Variants in IFNGR1 observed in about 807,000 individuals in gnomAD.
IFNGR1 encodes interferon gamma receptor 1, also known as AVP, type 2.
IFNGR1 carries 23 observed loss-of-function variants against 35.4 expected under a neutral mutation model. That is an observed-to-expected ratio of 0.65 (90% CI 0.47 to 0.92). The LOEUF (loss-of-function observed/expected upper bound fraction) is 0.92, where lower values mean the gene tolerates loss of function less well. IFNGR1 is among the 40% of genes least tolerant of loss of function. The pLI is 0.00. For synonymous variants in IFNGR1, 199 were observed against 209.5 expected (o/e 0.95, Z 0.43); for missense variants, 533 against 583.4 (o/e 0.91, Z 0.89).
chr6:137,210,865 A>G (rs1323059379), intron 1 of IFNGR1, among the ~76,000 whole-genome samples: 1 of 152,224 alleles, frequency 6.6e-6, no homozygotes, highest in African/African-American at 2.4e-5. Flanking sequence ...TTCAAGACCA[A>G]ACTGGTATAT....
chr6:137,212,662 A>G (rs1184622081), intron 1 of IFNGR1, among the ~76,000 whole-genome samples: 2 of 152,230 alleles, frequency 1.3e-5, no homozygotes, highest in South Asian at 4.1e-4. Flanking sequence ...TCTGCATACT[A>G]GAATATCAAA....
chr6:137,197,843 A>G lies in IFNGR1; in HGVS notation c.*188T>C. 3.1e-6 allele frequency: 2 copies of G among 635,188 alleles called. No homozygotes were observed. Among genetic ancestry groups the G allele is most frequent in the Non-Finnish European group, 5.2e-6 (2 of 382,774 alleles). 39.3% of individuals were successfully genotyped at this position (635,188 alleles called of 1,614,324 possible). ...CTTTTTTTGTTTAAAAAAAAAAAAA[A>G]GTCTGTACTTTACAAGCCAAAAGTG... On this transcript the variant is annotated 3_prime_UTR_variant, in exon 7 of 7. Transcript: ENST00000367739.
intron 1 of IFNGR1, among the ~76,000 whole-genome samples, chr6:137,215,864 A>C (rs1350877770): frequency 6.6e-6 from 1 of 152,126 alleles, no homozygotes; most frequent in Admixed American, 6.5e-5. Context: ...GGCACATGCC[A>C]CCACACAGGG....
intron 1 of IFNGR1, among the ~76,000 whole-genome samples, chr6:137,217,124 CCTA>C (rs1289456109): frequency 6.6e-6 from 1 of 152,198 alleles, no homozygotes; most frequent in Non-Finnish European, 1.5e-5. Context: ...CAGTCAGAGG[CCTA>C]CTAACTCTTC....
rs756273018 is a variant in IFNGR1, at chr6:137,203,689, G to C, written c.547-4C>G. 5.6e-6 allele frequency: 9 copies of C among 1,598,272 alleles called. No homozygotes were observed. Among genetic ancestry groups the C allele is most frequent in the Non-Finnish European group, 7.7e-6 (9 of 1,172,762 alleles). On this transcript the variant is annotated splice_region_variant and splice_polypyrimidine_tract_variant and intron_variant, in intron 4 of 6. Coordinates refer to ENST00000367739, the MANE Select transcript of IFNGR1 (RefSeq NM_000416.3). ...GCGTGAGTATTTTATACTGGATCTA[G>C]ATGAAAAAAGAAAACAGTGAAAATG...
At chr6:137,205,674 C>A (rs899555035) in intron 3 of IFNGR1, among the ~76,000 whole-genome samples, 7 of 152,100 alleles carry the variant, frequency 4.6e-5, no homozygotes, top group African/African-American at 1.7e-4. Flanking sequence ...GCAGCACAGA[C>A]CCATAATTGT....
chr6:137,207,781 T>C (rs886317806), intron 1 of IFNGR1, among the ~76,000 whole-genome samples: 1 of 152,146 alleles, frequency 6.6e-6, no homozygotes, highest in Non-Finnish European at 1.5e-5. Context: ...CATGTCTTTA[T>C]CAGCAGCATG....
intron 1 of IFNGR1, among the ~76,000 whole-genome samples, chr6:137,214,278 A>T (rs1779640171): frequency 6.6e-6 from 1 of 152,146 alleles, no homozygotes; most frequent in Non-Finnish European, 1.5e-5. Context: ...GTACCAAATC[A>T]AGGCCTTTGT....
At chr6:137,215,506 A>C in intron 1 of IFNGR1, 1 of 492,020 alleles carries the variant, frequency 2.0e-6, no homozygotes, top group Non-Finnish European at 3.4e-6. Context: ...TTAATAAGAA[A>C]ATTACAAGTA....
Position 137,204,373 on chromosome 6 carries a change from T to G in IFNGR1, c.505A>C (p.Ile169Leu). ...CTCACATACACATTGTACACCCTAA[T>G]GTAACAGGTAGTTTCGGGATCATAA... ...VDYDPETTCY[I>L]RVYNVYVRMN... is the part of the protein sequence containing the mutation. The change falls in exon 4 of 7, where the codon ATT (isoleucine) becomes CTT (leucine). Residue 169 changes from isoleucine to leucine, a missense_variant. Ile to Leu is a conservative substitution (Grantham distance 5). Transcript: ENST00000367739. 1.2e-6 allele frequency: 2 copies of G among 1,614,006 alleles called. No individual in the cohort carries two copies. Among genetic ancestry groups the G allele is most frequent in the Non-Finnish European group, 1.7e-6 (2 of 1,179,886 alleles).
In IFNGR1 at chr6:137,203,547, C is replaced by G. The variant is rs757718888; in HGVS notation, c.685G>C (p.Glu229Gln). ...GVLHVWGVTT[E>Q]KSKEVCITIF... The stretch of plus-strand genomic sequence containing the variant: ...GTAATACAAACTTCTTTTGACTTTT[C>G]AGTTGTAACACCCCACACATGTAAG... The change falls in exon 5 of 7, where the codon GAA becomes CAA. Residue 229 changes from glutamate to glutamine, a missense_variant. By Grantham distance (29) the Glu-to-Gln change is conservative. Coordinates refer to ENST00000367739, the MANE Select transcript of IFNGR1 (RefSeq NM_000416.3). 5.6e-6 allele frequency: 9 copies of G among 1,613,106 alleles called. No homozygotes were observed. The highest frequency in any genetic ancestry group is 7.6e-6 in the Non-Finnish European group (9 of 1,179,150).
intron 1 of IFNGR1, among the ~76,000 whole-genome samples, chr6:137,209,108 T>C (rs908757562): frequency 2.0e-5 from 3 of 152,178 alleles, no homozygotes; most frequent in Admixed American, 1.3e-4. Context: ...TATAACTCCT[T>C]TGTTTTGGCC....
At chr6:137,215,217 A>G (rs1027257765) in intron 1 of IFNGR1, 1 of 1,531,428 alleles carries the variant, frequency 6.5e-7, no homozygotes, top group African/African-American at 1.4e-5. Context: ...CATTAAGAAA[A>G]ATGCTTCCAA....
intron 6 of IFNGR1, among the ~76,000 whole-genome samples, chr6:137,199,574 A>AATATATTATATATT (rs1779228216): frequency 1.5e-5 from 1 of 66,542 alleles, no homozygotes; most frequent in Non-Finnish European, 2.9e-5. Context: ...TATAATATAT[A>AATATATTATATATT]ATATATAAAA....
chr6:137,203,639 A>G lies in IFNGR1; in HGVS notation c.593T>C (p.Ile198Thr). The change falls in exon 5 of 7, where the codon ATT (isoleucine) becomes ACT (threonine). Residue 198 changes from isoleucine (I) to threonine (T), a missense_variant. Coordinates refer to ENST00000367739, the MANE Select transcript of IFNGR1 (RefSeq NM_000416.3). ...TACTGGAATCGCTAACTGGCACTGAATCTCGTCACAATCATCTTCCTTCTG... is the reference window on the plus strand; with the variant it reads ...TACTGGAATCGCTAACTGGCACTGAGTCTCGTCACAATCATCTTCCTTCTG... Reference protein sequence around the residue: ...LTQKEDDCDEIQCQLAIPVSS... With the variant: ...LTQKEDDCDETQCQLAIPVSS... 1 of 1,613,346 alleles carries G rather than the reference A, an allele frequency of 6.2e-7. No individual in the cohort carries two copies. The highest frequency in any genetic ancestry group is 8.5e-7 in the Non-Finnish European group (1 of 1,179,402).
At chr6:137,209,099 A>G (rs543508392) in intron 1 of IFNGR1, among the ~76,000 whole-genome samples, 9 of 152,308 alleles carry the variant, frequency 5.9e-5, no homozygotes, top group African/African-American at 2.2e-4. Flanking sequence ...CATGGGCTCT[A>G]TAACTCCTTT....
At chr6:137,202,056 C>A (rs1439924544) in intron 5 of IFNGR1, among the ~76,000 whole-genome samples, 3 of 152,074 alleles carry the variant, frequency 2.0e-5, no homozygotes, top group Non-Finnish European at 4.4e-5. Context: ...TCCTTTAGGG[C>A]ATTTTGTTAC....
At chr6:137,207,170 T>C (rs1779455572) in intron 1 of IFNGR1, 93 bp from the exon 2 acceptor site, 1 of 1,493,110 alleles carries the variant, frequency 6.7e-7, no homozygotes, top group African/African-American at 1.4e-5. Flanking sequence ...TGCCCAGATA[T>C]GTATATTTGA....
chr6:137,217,469 G>A (rs1282618714), intron 1 of IFNGR1, among the ~76,000 whole-genome samples: 1 of 152,136 alleles, frequency 6.6e-6, no homozygotes, highest in Non-Finnish European at 1.5e-5. Flanking sequence ...TCCCATGCAA[G>A]CTGGCACCTG....
Sources: allele counts gnomAD v4.1 joint callset (sites outside exome capture counted in the v4.1 genomes callset), GRCh38; gene constraint gnomAD v4.1.1; transcripts MANE v1.5; gene names NCBI Gene and HGNC (gene_info 2026-07-23, HGNC 2026-07-21).